SMYD3: variants seen among roughly 807,000 people sequenced by gnomAD.
SMYD3 encodes SET and MYND domain containing 3, also known as histone-lysine N-methyltransferase SMYD3.
SMYD3 carries 36 observed loss-of-function variants against 57.7 expected under a neutral mutation model. The ratio of observed to expected loss-of-function variants is 0.62; its 90% CI spans 0.48 to 0.82. The LOEUF is 0.82. SMYD3 is among the 40% of genes least tolerant of loss of function. The pLI, the probability that SMYD3 is intolerant of heterozygous loss-of-function variation, is 0.00. For synonymous variants in SMYD3, 211 were observed against 195.0 expected (o/e 1.08, Z -0.68); for missense variants, 515 against 538.8 (o/e 0.96, Z 0.44).
At chr1:246,196,295 T>C (rs1348768875) in intron 5 of SMYD3, among the ~76,000 whole-genome samples, 2 of 152,168 alleles carry the variant, frequency 1.3e-5, no homozygotes, top group Non-Finnish European at 2.9e-5. Context: ...CACTGCTCCT[T>C]GTCTTTTTTC....
chr1:246,322,094 G>C (rs767958430), intron 5 of SMYD3, among the ~76,000 whole-genome samples: 4 of 152,096 alleles, frequency 2.6e-5, no homozygotes, highest in Non-Finnish European at 4.4e-5. Flanking sequence ...TGCTGGGTGG[G>C]GTGGCTCACA....
chr1:245,753,414 AAT>A (rs748329051), intron 11 of SMYD3, among the ~76,000 whole-genome samples: 1 of 152,208 alleles, frequency 6.6e-6, no homozygotes, highest in Non-Finnish European at 1.5e-5. Flanking sequence ...TAATGTGCAA[AAT>A]ATGTTAGTGA....
At chr1:245,758,562 A>G (rs2045706337) in intron 11 of SMYD3, among the ~76,000 whole-genome samples, 1 of 151,988 alleles carries the variant, frequency 6.6e-6, no homozygotes, top group Non-Finnish European at 1.5e-5. Context: ...TTATCTTCAC[A>G]TTCACCAATT....
chr1:246,411,908 T>C (rs1415235833), intron 1 of SMYD3, among the ~76,000 whole-genome samples: 2 of 148,062 alleles, frequency 1.4e-5, no homozygotes, highest in Non-Finnish European at 3.0e-5. Flanking sequence ...CACACTAACA[T>C]GGCACATGTA....
chr1:245,753,669 G>T (rs1403653025), intron 11 of SMYD3, among the ~76,000 whole-genome samples: 1 of 152,144 alleles, frequency 6.6e-6, no homozygotes, highest in Non-Finnish European at 1.5e-5. Context: ...AGGGCCCTGT[G>T]TGGCCCTGGG....
chr1:245,849,329 G>A (rs1395637142), intron 10 of SMYD3, among the ~76,000 whole-genome samples: 1 of 152,164 alleles, frequency 6.6e-6, no homozygotes, highest in East Asian at 1.9e-4. Flanking sequence ...GCAGGATTTG[G>A]TGAAAGTCAA....
intron 5 of SMYD3, among the ~76,000 whole-genome samples, chr1:246,050,479 T>A (rs2185074): frequency 0.02 from 3,078 of 152,106 alleles, 89 homozygotes; most frequent in African/African-American, 0.063. Flanking sequence ...GAACAATCTC[T>A]ATCACTGTTG....
chr1:246,284,668 A>G lies in SMYD3; in HGVS notation c.531+42533T>C, dbSNP rs576898671. On this transcript the variant is annotated intron_variant, in intron 5 of 11. Transcript: ENST00000490107. ...CCTGACCTCGTGATCCGCCCACCTC[A>G]GCCTCCCAAAGTGCTGGGATTACAG... Among the ~76,000 whole-genome samples, 700 of 151,874 alleles carry G rather than the reference A, an allele frequency of 4.6e-3. 4 individuals carry two copies. Among genetic ancestry groups the G allele is most frequent in the African/African-American group, 0.012 (488 of 41,504 alleles).
chr1:245,916,377 T>A (rs1219338253), intron 7 of SMYD3, among the ~76,000 whole-genome samples: 3 of 152,172 alleles, frequency 2.0e-5, no homozygotes, highest in African/African-American at 7.2e-5. Context: ...TTAGGCAACA[T>A]CATAATGCTT....
chr1:246,463,767 C>T (rs1476881165), intron 1 of SMYD3, among the ~76,000 whole-genome samples: 2 of 122,918 alleles, frequency 1.6e-5, no homozygotes, highest in African/African-American at 3.1e-5. Flanking sequence ...ACCCAGGAGG[C>T]GGAGTTTGCA....
intron 10 of SMYD3, among the ~76,000 whole-genome samples, chr1:245,833,132 A>G (rs1321101102): frequency 2.6e-5 from 4 of 151,354 alleles, no homozygotes; most frequent in Non-Finnish European, 5.9e-5. Flanking sequence ...TTTTGGAATA[A>G]TTTTAGATTT....
In SMYD3 at chr1:246,156,989, GGAGGTAC is replaced by G. The variant is rs535573468; in HGVS notation, c.531+170205_531+170211del. On this transcript the variant is annotated intron_variant, in intron 5 of 11. Transcript: ENST00000490107. Reference sequence around the variant, plus strand: ...ACCATTCACAAAGAAAGGGATGCTAGGAGGTACGAGGGCAAAGATGAAAAGGTCATAC... The same window carrying G: ...ACCATTCACAAAGAAAGGGATGCTAGGAGGGCAAAGATGAAAAGGTCATAC... Among the ~76,000 whole-genome samples the G allele has an allele frequency of 3.0e-3, 462 of 151,798 alleles. 2 individuals are homozygous for G. The highest frequency in any genetic ancestry group is 0.011 in the African/African-American group (445 of 41,570).
At chr1:246,101,632 G>A (rs1356808178) in intron 5 of SMYD3, among the ~76,000 whole-genome samples, 1 of 152,062 alleles carries the variant, frequency 6.6e-6, no homozygotes, top group Non-Finnish European at 1.5e-5. Context: ...GGTATTTTAT[G>A]GCATGTAAAT....
intron 5 of SMYD3, among the ~76,000 whole-genome samples, chr1:246,189,760 C>T (rs1572182671): frequency 6.6e-6 from 1 of 152,210 alleles, no homozygotes; most frequent in East Asian, 1.9e-4. Context: ...TGGTAGCACT[C>T]CGTGGTTTTA....
chr1:246,006,844 T>C (rs921525865), intron 5 of SMYD3, among the ~76,000 whole-genome samples: 12 of 152,022 alleles, frequency 7.9e-5, no homozygotes, highest in Non-Finnish European at 1.5e-5. Context: ...GAAGACTCCA[T>C]AACAAACAAG....
At chr1:246,304,782 G>T (rs1171583095) in intron 5 of SMYD3, among the ~76,000 whole-genome samples, 1 of 152,162 alleles carries the variant, frequency 6.6e-6, no homozygotes, top group East Asian at 1.9e-4. Flanking sequence ...GCTGCTTTCT[G>T]AGCCATAGGC....
At chr1:246,028,608 A>T (rs1232476441) in intron 5 of SMYD3, among the ~76,000 whole-genome samples, 1 of 152,192 alleles carries the variant, frequency 6.6e-6, no homozygotes, top group African/African-American at 2.4e-5. Context: ...GAGATGTCCC[A>T]TGCTTATAAA....
intron 5 of SMYD3, among the ~76,000 whole-genome samples, chr1:246,103,672 T>G (rs907592709): frequency 6.6e-6 from 1 of 152,202 alleles, no homozygotes; most frequent in African/African-American, 2.4e-5. Flanking sequence ...TTTATGCGCC[T>G]GGGCTCTAAC....
chr1:246,437,127 G>GACCTCGGGTGATCCACTC (rs1334349059), intron 1 of SMYD3, among the ~76,000 whole-genome samples: 1 of 152,034 alleles, frequency 6.6e-6, no homozygotes, highest in Non-Finnish European at 1.5e-5. Context: ...TCGAACTCCT[G>GACCTCGGGTGATCCACTC]ACCTCGGGTG....
Sources: gnomAD v4.1 joint callset for allele counts (sites outside exome capture counted in the v4.1 genomes callset) on GRCh38, gnomAD v4.1.1 for gene constraint, MANE v1.5 for transcripts, NCBI Gene and HGNC (gene_info 2026-07-23, HGNC 2026-07-21) for gene names.